Variants in EGFR observed in about 807,000 individuals in gnomAD.
EGFR encodes epidermal growth factor receptor, also known as avian erythroblastic leukemia viral (v-erb-b) oncogene homolog.
Under a neutral mutation model 143.0 loss-of-function variants are expected in EGFR, and 58 were observed. The observed-to-expected ratio is 0.41, with a 90% CI of 0.33 to 0.50. EGFR has a LOEUF of 0.50. Among genes scored for constraint, EGFR ranks in the 20% least tolerant of loss-of-function variants. The probability of loss-of-function intolerance (pLI) is 0.39; values close to 1 mark genes in which losing one functional copy is unlikely to be tolerated. For missense variants in EGFR, 1,307 were observed against 1,579.0 expected, an observed-to-expected ratio of 0.83 and a Z score of 2.92; for synonymous variants, 613 against 594.4, an observed-to-expected ratio of 1.03 and a Z score of -0.45.
chr7:55,127,519 A>G (rs1310853484), intron 1 of EGFR, among the ~76,000 whole-genome samples: 1 of 152,004 alleles, frequency 6.6e-6, no homozygotes, highest in African/African-American at 2.4e-5. Context: ...AATTGTTACA[A>G]AAGTTAATTG....
intron 5 of EGFR, among the ~76,000 whole-genome samples, chr7:55,151,702 G>A (rs1022661881): frequency 3.3e-5 from 5 of 152,092 alleles, no homozygotes; most frequent in Non-Finnish European, 5.9e-5. Flanking sequence ...GTGAAACCTC[G>A]TCTCTACTAA....
At chr7:55,074,937 G>A (rs181204154) in intron 1 of EGFR, among the ~76,000 whole-genome samples, 2 of 152,256 alleles carry the variant, frequency 1.3e-5, no homozygotes, top group Admixed American at 6.5e-5. Context: ...GAAATCTTTG[G>A]CAAAGGTTAC....
At chr7:55,183,901 C>G (rs1268443423) in intron 20 of EGFR, among the ~76,000 whole-genome samples, 1 of 152,182 alleles carries the variant, frequency 6.6e-6, no homozygotes, top group Admixed American at 6.5e-5. Flanking sequence ...CTCCCAGTAA[C>G]CCCCAGCTCC....
intron 1 of EGFR, among the ~76,000 whole-genome samples, chr7:55,079,977 T>C (rs767432724): frequency 6.6e-5 from 10 of 152,248 alleles, no homozygotes; most frequent in Admixed American, 2.0e-4. Flanking sequence ...CCAGGCTCTT[T>C]TGCTGAATAA....
intron 22 of EGFR, among the ~76,000 whole-genome samples, chr7:55,195,921 T>C (rs903719897): frequency 2.6e-5 from 4 of 152,194 alleles, no homozygotes; most frequent in Admixed American, 6.5e-5. Flanking sequence ...CAGTCTGTCA[T>C]TGATGGGCAT....
chr7:55,059,157 G>A (rs1282012498), intron 1 of EGFR, among the ~76,000 whole-genome samples: 1 of 152,208 alleles, frequency 6.6e-6, no homozygotes, highest in African/African-American at 2.4e-5. Context: ...CACAGAATGT[G>A]CAACTCAGAT....
intron 1 of EGFR, among the ~76,000 whole-genome samples, chr7:55,136,188 C>T (rs1220225154): frequency 6.6e-6 from 1 of 152,130 alleles, no homozygotes. Flanking sequence ...CTATATTTTC[C>T]TTACATATTT....
At chr7:55,163,074 A>G (rs1785786746) in intron 13 of EGFR, among the ~76,000 whole-genome samples, 1 of 152,176 alleles carries the variant, frequency 6.6e-6, no homozygotes, top group Non-Finnish European at 1.5e-5. Context: ...TTATAGGCAT[A>G]AGCCACTGCA....
Position 55,174,796 on chromosome 7 carries a change from G to T in EGFR, c.2259G>T (p.Pro753=), listed in dbSNP as rs764064214. The T allele has an allele frequency of 6.2e-7, 1 of 1,614,056 alleles. No individual in the cohort carries two copies. Among genetic ancestry groups the T allele is most frequent in the Non-Finnish European group, 8.5e-7 (1 of 1,179,936 alleles). The change falls in exon 19 of 28, where the codon CCG becomes CCT. Residue 753 remains proline (P), a synonymous_variant. Coordinates refer to ENST00000275493, the MANE Select transcript of EGFR (RefSeq NM_005228.5). ...AGGAATTAAGAGAAGCAACATCTCC[G>T]AAAGCCAACAAGGAAATCCTCGATG... is the stretch of plus-strand genomic sequence containing the variant. ...AIKELREATS[P]KANKEILDEA... is the part of the protein sequence containing the mutation.
chr7:55,049,689 G>A (rs532185145), intron 1 of EGFR, among the ~76,000 whole-genome samples: 58 of 152,186 alleles, frequency 3.8e-4, no homozygotes, highest in African/African-American at 1.3e-3. Context: ...GCCTATTGCA[G>A]GAACAGCCAA....
At chr7:55,073,426 G>A (rs573221639) in intron 1 of EGFR, among the ~76,000 whole-genome samples, 1 of 152,288 alleles carries the variant, frequency 6.6e-6, no homozygotes, top group Admixed American at 6.5e-5. Flanking sequence ...TGCTGGAAAG[G>A]CTTCTGCAGG....
At chr7:55,190,124 GC>G (rs796749900) in intron 20 of EGFR, among the ~76,000 whole-genome samples, 1 of 151,944 alleles carries the variant, frequency 6.6e-6, no homozygotes, top group Non-Finnish European at 1.5e-5. Context: ...CTCGGCTTCT[GC>G]CCCCCCTCTC....
At chr7:55,087,402 C>A (rs1790834791) in intron 1 of EGFR, among the ~76,000 whole-genome samples, 1 of 152,018 alleles carries the variant, frequency 6.6e-6, no homozygotes, top group South Asian at 2.1e-4. Context: ...CATTCTCAGG[C>A]CCTGCGTAGG....
intron 1 of EGFR, among the ~76,000 whole-genome samples, chr7:55,041,037 G>C (rs11977757): frequency 0.048 from 7,371 of 152,302 alleles, 305 homozygotes; most frequent in South Asian, 0.16. Context: ...AGAGGACTCT[G>C]TAAATTTAAT....
intron 1 of EGFR, among the ~76,000 whole-genome samples, chr7:55,044,479 G>A (rs1005180960): frequency 2.0e-5 from 3 of 152,182 alleles, no homozygotes; most frequent in African/African-American, 4.8e-5. Context: ...AGGTCACTAC[G>A]GGCCTGGAGC....
rs781435040 is a variant in EGFR, at chr7:55,171,224, A to G, written c.1919+11A>G. 6.2e-7 allele frequency: 1 copy of G among 1,614,116 alleles called. No individual in the cohort carries two copies. Among genetic ancestry groups the G allele is most frequent in the Non-Finnish European group, 8.5e-7 (1 of 1,180,062 alleles). ...CTGTCCAACGAATGGGTAAGTGTTC[A>G]CAGCTCTGTGTCACATGGACCTCGT... On this transcript the variant is annotated intron_variant, in intron 16 of 27. Coordinates refer to ENST00000275493, the MANE Select transcript of EGFR (RefSeq NM_005228.5).
Position 55,173,909 on chromosome 7 carries a change from T to TG in EGFR, c.2062-11dup. On this transcript the variant is annotated splice_polypyrimidine_tract_variant and intron_variant, in intron 17 of 27. Coordinates refer to ENST00000275493, the MANE Select transcript of EGFR (RefSeq NM_005228.5). ...GAGGTGACCCTTGTCTCTGTGTTCT[T>TG]GTCCCCCCCAGCTTGTGGAGCCTCT... 6.2e-7 allele frequency: 1 copy of TG among 1,614,234 alleles called. No homozygotes were observed. Among genetic ancestry groups the TG allele is most frequent in the Non-Finnish European group, 8.5e-7 (1 of 1,180,028 alleles).
chr7:55,170,994 A>C, intron 15 of EGFR, 181 bp from the exon 16 acceptor site: 1 of 1,463,152 alleles, frequency 6.8e-7, no homozygotes, highest in Non-Finnish European at 9.0e-7. Context: ...TGAGTGAATG[A>C]ACAAATGAAT....
chr7:55,110,717 G>T (rs897888083), intron 1 of EGFR, among the ~76,000 whole-genome samples: 6 of 152,126 alleles, frequency 3.9e-5, no homozygotes, highest in Non-Finnish European at 8.8e-5. Context: ...TTCAAATATT[G>T]CTTTTCATGC....
Sources: allele counts gnomAD v4.1 joint callset (sites outside exome capture counted in the v4.1 genomes callset), GRCh38; gene constraint gnomAD v4.1.1; transcripts MANE v1.5; gene names NCBI Gene and HGNC (gene_info 2026-07-23, HGNC 2026-07-21).